LDLRAD4: variants seen among roughly 807,000 people sequenced by gnomAD.
The protein encoded by LDLRAD4 is low density lipoprotein receptor class A domain containing 4.
In LDLRAD4, 5 loss-of-function variants were observed where a neutral mutation model predicts 17.0. The observed-to-expected ratio is 0.29, with a 90% CI of 0.15 to 0.62. The LOEUF is 0.62. LDLRAD4 is among the 20% of genes least tolerant of loss of function. The pLI, the probability that LDLRAD4 is intolerant of heterozygous loss-of-function variation, is 0.84. For synonymous variants in LDLRAD4, 168 were observed against 171.8 expected, an observed-to-expected ratio of 0.98 and a Z score of 0.17; for missense variants, 340 against 424.7, an observed-to-expected ratio of 0.80 and a Z score of 1.75.
At chr18:13,588,373 A>G (rs1028335466) in intron 3 of LDLRAD4, among the ~76,000 whole-genome samples, 1 of 152,362 alleles carries the variant, frequency 6.6e-6, no homozygotes, top group South Asian at 2.1e-4. Context: ...TTTATACATA[A>G]CATAACAAAT....
intron 1 of LDLRAD4, among the ~76,000 whole-genome samples, chr18:13,311,138 C>T (rs2047209515): frequency 1.3e-5 from 2 of 152,238 alleles, no homozygotes; most frequent in Admixed American, 6.5e-5. Context: ...TCCATTCATT[C>T]ATCTGTCCAT....
intron 1 of LDLRAD4, among the ~76,000 whole-genome samples, chr18:13,356,368 A>G (rs1232868106): frequency 6.6e-6 from 1 of 152,238 alleles, no homozygotes; most frequent in African/African-American, 2.4e-5. Context: ...GACCCGGGTA[A>G]ATGCATTGCT....
intron 1 of LDLRAD4, among the ~76,000 whole-genome samples, chr18:13,356,340 C>A (rs759283839): frequency 3.9e-5 from 6 of 152,202 alleles, no homozygotes; most frequent in Non-Finnish European, 5.9e-5. Flanking sequence ...GCACTGCCAC[C>A]ACACCAAGTG....
rs577653803 is a variant in LDLRAD4, at chr18:13,469,740, T to C, written c.181+31356T>C. 8.6e-5 allele frequency among the ~76,000 whole-genome samples: 13 copies of C among 151,688 alleles called. No homozygotes were observed. The South Asian group carries it at 2.8e-3, about 32-fold the overall frequency. On this transcript the variant is annotated intron_variant, in intron 3 of 5. Transcript: ENST00000359446. The stretch of plus-strand genomic sequence containing the variant: ...TTGGAGGAGGGAAGAATTGAGACTT[T>C]ACTGCTTGATGGTTACAGAGTTTTG...
At chr18:13,558,493 G>A (rs555652814) in intron 3 of LDLRAD4, among the ~76,000 whole-genome samples, 42 of 152,344 alleles carry the variant, frequency 2.8e-4, no homozygotes, top group African/African-American at 1.0e-3. Context: ...AAGCATTAAA[G>A]CAGTAATAGA....
intron 3 of LDLRAD4, among the ~76,000 whole-genome samples, chr18:13,450,930 T>C (rs1201212298): frequency 6.6e-6 from 1 of 151,956 alleles, no homozygotes; most frequent in East Asian, 1.9e-4. Context: ...GTAGGTGGGG[T>C]CAGATTCTAG....
chr18:13,397,966 G>A (rs915587987), intron 2 of LDLRAD4, among the ~76,000 whole-genome samples: 2 of 152,194 alleles, frequency 1.3e-5, no homozygotes, highest in African/African-American at 4.8e-5. Context: ...TCGCATATGT[G>A]GCCGTGTGTG....
chr18:13,218,085 G>C (rs2041254572), upstream of LDLRAD4: 1 of 151,974 alleles, frequency 6.6e-6, no homozygotes, highest in African/African-American at 2.4e-5. Flanking sequence ...GCTCCGGGGG[G>C]GCGGCCCAGG....
chr18:13,628,980 G>A (rs1284426), intron 4 of LDLRAD4, among the ~76,000 whole-genome samples: 103,695 of 152,030 alleles, frequency 0.68, 35,765 homozygotes, highest in East Asian at 0.9. Context: ...ATAGGCACGC[G>A]CAACCATGCC....
At chr18:13,325,886 G>A (rs1393684816) in intron 1 of LDLRAD4, among the ~76,000 whole-genome samples, 1 of 151,994 alleles carries the variant, frequency 6.6e-6, no homozygotes, top group Admixed American at 6.6e-5. Context: ...CCGAGTAGCC[G>A]GGACTACAGG....
intron 1 of LDLRAD4, among the ~76,000 whole-genome samples, chr18:13,305,839 G>GACAA (rs2046880018): frequency 9.9e-5 from 15 of 152,192 alleles, no homozygotes; most frequent in Admixed American, 9.2e-4. Flanking sequence ...ATCTTGTATT[G>GACAA]AAAATGCAGC....
intron 2 of LDLRAD4, among the ~76,000 whole-genome samples, chr18:13,417,199 G>C (rs2088980146): frequency 6.6e-6 from 1 of 152,198 alleles, no homozygotes; most frequent in Non-Finnish European, 1.5e-5. Context: ...CACTGTAGTA[G>C]GGATACACCC....
chr18:13,616,045 A>T (rs2040033650), intron 3 of LDLRAD4: 1 of 152,138 alleles, frequency 6.6e-6, no homozygotes, highest in Non-Finnish European at 1.5e-5. Context: ...TTCTTCCAGA[A>T]TTCATTTTCT....
At chr18:13,334,303 T>C (rs933990378) in intron 1 of LDLRAD4, among the ~76,000 whole-genome samples, 1 of 152,142 alleles carries the variant, frequency 6.6e-6, no homozygotes, top group African/African-American at 2.4e-5. Context: ...AATGGTGCAA[T>C]CTTGGCTCAC....
chr18:13,474,069 G>A (rs147837730), intron 3 of LDLRAD4, among the ~76,000 whole-genome samples: 60 of 152,106 alleles, frequency 3.9e-4, no homozygotes, highest in South Asian at 1.5e-3. Flanking sequence ...TGCAGAACCC[G>A]CCTCGTGCTC....
intron 3 of LDLRAD4, among the ~76,000 whole-genome samples, chr18:13,510,548 TAAAAG>T (rs1255735706): frequency 6.6e-6 from 1 of 151,704 alleles, no homozygotes; most frequent in East Asian, 1.9e-4. Context: ...GGGCGAGGGG[TAAAAG>T]ACTACATATT....
At chr18:13,589,154 G>T (rs181856445) in intron 3 of LDLRAD4, among the ~76,000 whole-genome samples, 1 of 151,966 alleles carries the variant, frequency 6.6e-6, no homozygotes, top group Non-Finnish European at 1.5e-5. Context: ...GGCTGGTCTC[G>T]AACTCCTGGC....
At chr18:13,649,850 C>T (rs567406949) in exon 6 of LDLRAD4, 13 of 394,614 alleles carry the variant, frequency 3.3e-5, no homozygotes, top group African/African-American at 2.7e-4. Flanking sequence ...CACGAACATG[C>T]TCCACAGCCT....
chr18:13,297,594 A>G (rs2046344006), intron 1 of LDLRAD4, among the ~76,000 whole-genome samples: 1 of 152,224 alleles, frequency 6.6e-6, no homozygotes, highest in African/African-American at 2.4e-5. Flanking sequence ...CAGGTGTCCA[A>G]GACCAGCTTG....
Sources: allele counts gnomAD v4.1 joint callset (sites outside exome capture counted in the v4.1 genomes callset), GRCh38; gene constraint gnomAD v4.1.1; transcripts MANE v1.5; gene names NCBI Gene and HGNC (gene_info 2026-07-23, HGNC 2026-07-21).